Variants in TLK2 observed in about 807,000 individuals in gnomAD.
TLK2 encodes serine/threonine-protein kinase tousled-like 2.
Under a neutral mutation model 117.3 loss-of-function variants are expected in TLK2, and 6 were observed. The observed-to-expected ratio is 0.05, with a 90% confidence interval of 0.03 to 0.10. The LOEUF (loss-of-function observed/expected upper bound fraction) is 0.10, where lower values mean the gene tolerates loss of function less well. TLK2 is among the 10% of genes least tolerant of loss of function. The pLI, the probability that TLK2 is intolerant of heterozygous loss-of-function variation, is 1.00. For missense variants in TLK2, 299 were observed against 901.2 expected, an observed-to-expected ratio of 0.33 and a Z score of 8.56; for synonymous variants, 257 against 316.7, an observed-to-expected ratio of 0.81 and a Z score of 2.00.
At chr17:62,602,934 A>T (rs937719764) in intron 19 of TLK2, among the ~76,000 whole-genome samples, 5 of 152,106 alleles carry the variant, frequency 3.3e-5, no homozygotes, top group Non-Finnish European at 5.9e-5. Context: ...GTGGTCACAC[A>T]AGCCACATAT....
At chr17:62,503,083 G>A (rs867527118) in intron 2 of TLK2, among the ~76,000 whole-genome samples, 194 of 139,536 alleles carry the variant, frequency 1.4e-3, no homozygotes, top group African/African-American at 4.7e-3. Context: ...TTTTTGAGAC[G>A]GAGTCTCGCT....
chr17:62,595,560 C>CT (rs567198832), intron 16 of TLK2, among the ~76,000 whole-genome samples: 158 of 139,352 alleles, frequency 1.1e-3, no homozygotes, highest in Middle Eastern at 3.6e-3. Context: ...CTCTGTTGTA[C>CT]TTTTTTTTTT....
At chr17:62,473,443 C>G (rs796530218) in intron 1 of TLK2, among the ~76,000 whole-genome samples, 4 of 152,310 alleles carry the variant, frequency 2.6e-5, no homozygotes, top group African/African-American at 9.6e-5. Flanking sequence ...AATACTACAT[C>G]TACAGTAGGG....
At chr17:62,474,997 G>C (rs926135625), upstream of TLK2, among the ~76,000 whole-genome samples, 3 of 152,106 alleles carry the variant, frequency 2.0e-5, no homozygotes, top group Non-Finnish European at 4.4e-5. Flanking sequence ...AGTGAGCAGA[G>C]ATTGTGCCAT....
chr17:62,587,327 C>G (rs970192777), intron 16 of TLK2, among the ~76,000 whole-genome samples: 1 of 152,164 alleles, frequency 6.6e-6, no homozygotes, highest in Non-Finnish European at 1.5e-5. Flanking sequence ...TTGAATCAGA[C>G]AAGTCCTGCC....
intron 2 of TLK2, among the ~76,000 whole-genome samples, chr17:62,510,792 T>G (rs1199509071): frequency 2.6e-5 from 4 of 152,172 alleles, no homozygotes; most frequent in Admixed American, 2.6e-4. Flanking sequence ...TACTGGAGAT[T>G]AGGGCTTCAA....
At chr17:62,538,078 C>G (rs1158013450) in intron 7 of TLK2, among the ~76,000 whole-genome samples, 1 of 146,376 alleles carries the variant, frequency 6.8e-6, no homozygotes, top group Non-Finnish European at 1.5e-5. Context: ...TTCTGTCGCC[C>G]AGTCTGGAGT....
chr17:62,493,036 G>T (rs924414882), intron 2 of TLK2, among the ~76,000 whole-genome samples: 1 of 152,096 alleles, frequency 6.6e-6, no homozygotes, highest in African/African-American at 2.4e-5. Flanking sequence ...GGTGGAGGTT[G>T]CAGTGAGCCG....
At chr17:62,474,613 T>C (rs954389028), upstream of TLK2, among the ~76,000 whole-genome samples, 6 of 150,996 alleles carry the variant, frequency 4.0e-5, no homozygotes, top group African/African-American at 1.5e-4. Context: ...GGGTTTCACC[T>C]TAGCCAGGAT....
chr17:62,527,712 C>CT (rs1384218855), intron 6 of TLK2, among the ~76,000 whole-genome samples: 1 of 151,454 alleles, frequency 6.6e-6, no homozygotes, highest in Non-Finnish European at 1.5e-5. Flanking sequence ...TAATTTTGTA[C>CT]TATATAATTA....
At chr17:62,585,355 T>C (rs775494853) in intron 15 of TLK2, among the ~76,000 whole-genome samples, 15 of 152,310 alleles carry the variant, frequency 9.8e-5, no homozygotes, top group Middle Eastern at 6.8e-3. Context: ...CTGACCAACA[T>C]GGTGAAACCC....
At chr17:62,604,061 A>G (rs894963380) in intron 19 of TLK2, among the ~76,000 whole-genome samples, 2 of 151,110 alleles carry the variant, frequency 1.3e-5, no homozygotes, top group South Asian at 2.1e-4. Context: ...CTGGAGTGCA[A>G]TGGTGTGATC....
intron 2 of TLK2, among the ~76,000 whole-genome samples, chr17:62,484,814 T>G (rs1381397923): frequency 6.6e-6 from 1 of 152,024 alleles, no homozygotes; most frequent in Non-Finnish European, 1.5e-5. Flanking sequence ...CCCAGCACTT[T>G]GGGAGGCTAA....
intron 2 of TLK2, among the ~76,000 whole-genome samples, chr17:62,491,164 C>T (rs1478176154): frequency 6.6e-6 from 1 of 152,168 alleles, no homozygotes; most frequent in South Asian, 2.1e-4. Context: ...ACTCTTGTGT[C>T]ACTATAAAGT....
At chr17:62,479,470 G>A (rs2071346232) in intron 1 of TLK2, among the ~76,000 whole-genome samples, 180 bp downstream of exon 1, 1 of 152,068 alleles carries the variant, frequency 6.6e-6, no homozygotes, top group Non-Finnish European at 1.5e-5. Flanking sequence ...TGAGGGGCCG[G>A]GCAGAAGATG....
At chr17:62,515,937 T>C (rs1402291651) in intron 2 of TLK2, among the ~76,000 whole-genome samples, 1 of 152,168 alleles carries the variant, frequency 6.6e-6, no homozygotes, top group Non-Finnish European at 1.5e-5. Flanking sequence ...GTTTTCTTCT[T>C]CTTTTTTTTG....
intron 16 of TLK2, among the ~76,000 whole-genome samples, chr17:62,593,127 C>G (rs961128999): frequency 6.6e-6 from 1 of 152,102 alleles, no homozygotes; most frequent in Non-Finnish European, 1.5e-5. Context: ...GGTTGGGGAC[C>G]CCTGCTATAG....
chr17:62,582,960 C>A (rs991901631), intron 15 of TLK2, among the ~76,000 whole-genome samples: 2 of 152,130 alleles, frequency 1.3e-5, no homozygotes, highest in Non-Finnish European at 2.9e-5. Context: ...GACAAGATTG[C>A]CTTCCTTTTT....
Position 62,601,375 on chromosome 17 carries a change from A to G in TLK2, c.1720+555A>G, listed in dbSNP as rs114637769. Among the ~76,000 whole-genome samples the G allele has an allele frequency of 2.6e-3, 392 of 152,330 alleles. 2 individuals are homozygous for G. The highest frequency in any genetic ancestry group is 9.2e-3 in the African/African-American group (381 of 41,572). On this transcript the variant is annotated intron_variant, in intron 18 of 21. Transcript: ENST00000346027. The stretch of plus-strand genomic sequence containing the variant: ...TCTGCATAGTTCTATAGACAACTCT[A>G]ACAGCTTAGCTTGGGCATTAGGAAG...
Sources: allele counts gnomAD v4.1 joint callset (sites outside exome capture counted in the v4.1 genomes callset), GRCh38; gene constraint gnomAD v4.1.1; transcripts MANE v1.5; gene names NCBI Gene and HGNC (gene_info 2026-07-23, HGNC 2026-07-21).